Variants in FRMPD4 observed in about 807,000 individuals in gnomAD.
FRMPD4 encodes the protein FERM and PDZ domain-containing protein 4.
FRMPD4 carries 22 observed loss-of-function variants against 94.1 expected under a neutral mutation model. That is an observed-to-expected ratio of 0.23 (90% CI 0.17 to 0.33). FRMPD4 has a LOEUF of 0.33. Among genes scored for constraint, FRMPD4 ranks in the 10% least tolerant of loss-of-function variants. The probability of loss-of-function intolerance (pLI) is 1.00; values close to 1 mark genes in which losing one functional copy is unlikely to be tolerated. For missense variants in FRMPD4, 1,111 were observed against 1,339.9 expected, an observed-to-expected ratio of 0.83 and a Z score of 2.67; for synonymous variants, 631 against 548.6, an observed-to-expected ratio of 1.15 and a Z score of -2.10.
intron 1 of FRMPD4, among the ~76,000 whole-genome samples, chrX:12,363,400 C>T (rs1771405867): frequency 8.9e-6 from 1 of 112,588 alleles, no homozygotes; most frequent in East Asian, 2.8e-4. Context: ...ACAGGCAGGG[C>T]TCACAGGGCA....
chrX:12,403,270 C>T (rs112893734), intron 1 of FRMPD4, among the ~76,000 whole-genome samples: 6,254 of 111,439 alleles, frequency 0.056, 442 homozygotes, highest in African/African-American at 0.19. Context: ...GGATCACTCC[C>T]CTGCTCCACT....
At chrX:12,105,942 A>G (rs1220703315) in intron 3 of FRMPD4, among the ~76,000 whole-genome samples, 2 of 112,286 alleles carry the variant, frequency 1.8e-5, no homozygotes, top group Admixed American at 9.4e-5. Flanking sequence ...GAGAGTGAAC[A>G]TATTTTAATT....
chrX:12,483,973 CG>C (rs1488649886), intron 1 of FRMPD4, among the ~76,000 whole-genome samples: 1 of 111,021 alleles, frequency 9.0e-6, no homozygotes, highest in African/African-American at 3.3e-5. Flanking sequence ...AGGACGTGTA[CG>C]GGCTTACGGG....
chrX:12,128,090 C>T (rs765371168), intron 3 of FRMPD4, among the ~76,000 whole-genome samples: 10 of 112,816 alleles, frequency 8.9e-5, no homozygotes, highest in Non-Finnish European at 1.1e-4. Flanking sequence ...TGCAAGCTGT[C>T]GGTGGAGCTA....
At chrX:12,169,629 G>A (rs1263753570) in intron 1 of FRMPD4, among the ~76,000 whole-genome samples, 2 of 111,745 alleles carry the variant, frequency 1.8e-5, no homozygotes, top group Non-Finnish European at 3.8e-5. Flanking sequence ...GAGATTGTAT[G>A]TTCTATTAGG....
At chrX:11,919,012 T>C (rs1016168857) in intron 3 of FRMPD4, among the ~76,000 whole-genome samples, 69 of 112,678 alleles carry the variant, frequency 6.1e-4, no homozygotes, top group African/African-American at 2.1e-3. Flanking sequence ...TTTTTTCTCT[T>C]TCTCCTGTTC....
chrX:12,583,361 G>T, intron 2 of FRMPD4: 1 of 761,503 alleles, frequency 1.3e-6, no homozygotes, highest in Non-Finnish European at 2.0e-6. Flanking sequence ...GAGAGCCCCA[G>T]GCCGGCTGAG....
At chrX:12,595,098 G>T (rs1163141121) in intron 2 of FRMPD4, among the ~76,000 whole-genome samples, 2 of 111,842 alleles carry the variant, frequency 1.8e-5, no homozygotes, top group Admixed American at 9.4e-5. Context: ...TTTTCTCCAG[G>T]GCCTAGCACA....
At chrX:12,248,897 G>A (rs1298846313) in intron 1 of FRMPD4, among the ~76,000 whole-genome samples, 3 of 112,076 alleles carry the variant, frequency 2.7e-5, no homozygotes, top group African/African-American at 9.7e-5. Flanking sequence ...AAATTAGCTG[G>A]GTGTGGTGGC....
intron 3 of FRMPD4, among the ~76,000 whole-genome samples, chrX:12,123,080 A>G (rs1447250249): frequency 9.2e-6 from 1 of 108,941 alleles, no homozygotes; most frequent in Non-Finnish European, 1.9e-5. Flanking sequence ...AATGCACCCA[A>G]AGAGTATAAT....
intron 2 of FRMPD4, among the ~76,000 whole-genome samples, chrX:12,535,264 G>A (rs376768994): frequency 6.3e-5 from 7 of 111,514 alleles, no homozygotes; most frequent in African/African-American, 2.0e-4. Context: ...AGCCACATGG[G>A]ATTGTAAGCC....
intron 2 of FRMPD4, among the ~76,000 whole-genome samples, chrX:12,555,165 CA>C (rs200081447): frequency 4.0e-4 from 43 of 108,014 alleles, no homozygotes; most frequent in South Asian, 2.4e-3. Flanking sequence ...TAGTTTGGGA[CA>C]AAAAAAAAGA....
chrX:12,300,445 G>A (rs982967249), intron 1 of FRMPD4, among the ~76,000 whole-genome samples: 1 of 111,731 alleles, frequency 9.0e-6, no homozygotes, highest in Non-Finnish European at 1.9e-5. Flanking sequence ...GGAGAATGGG[G>A]TCTGAAAATA....
intron 2 of FRMPD4, among the ~76,000 whole-genome samples, chrX:12,601,490 T>C (rs2059084183): frequency 8.9e-6 from 1 of 111,782 alleles, no homozygotes; most frequent in African/African-American, 3.3e-5. Context: ...TCTTCTGTCC[T>C]GATATTGCTC....
intron 3 of FRMPD4, among the ~76,000 whole-genome samples, chrX:11,960,968 G>T (rs2054280484): frequency 8.9e-6 from 1 of 112,039 alleles, no homozygotes; most frequent in Non-Finnish European, 1.9e-5. Flanking sequence ...AAACAAGAAG[G>T]ACCTAGGGGA....
At chrX:12,166,095 G>C (rs768839405) in intron 1 of FRMPD4, among the ~76,000 whole-genome samples, 39 of 111,975 alleles carry the variant, frequency 3.5e-4, no homozygotes, top group African/African-American at 1.1e-3. Flanking sequence ...ATGTTGAATA[G>C]GAGTGGTGAG....
At chrX:12,476,820 T>C (rs1569292228) in intron 1 of FRMPD4, among the ~76,000 whole-genome samples, 1 of 111,559 alleles carries the variant, frequency 9.0e-6, no homozygotes, top group Non-Finnish European at 1.9e-5. Context: ...AAACAACAGG[T>C]GCTGGAGAGG....
chrX:12,207,509 A>T (rs1212926912), intron 1 of FRMPD4, among the ~76,000 whole-genome samples: 1 of 110,344 alleles, frequency 9.1e-6, no homozygotes, highest in Non-Finnish European at 1.9e-5. Context: ...AACTGTAAAA[A>T]TCGTTGTTTG....
intron 2 of FRMPD4, among the ~76,000 whole-genome samples, chrX:12,599,768 G>A (rs1451136695): frequency 9.0e-6 from 1 of 111,353 alleles, no homozygotes; most frequent in African/African-American, 3.3e-5. Flanking sequence ...GGATCATACA[G>A]AACAGAAATC....
Sources: gnomAD v4.1 joint callset for allele counts (sites outside exome capture counted in the v4.1 genomes callset) on GRCh38, gnomAD v4.1.1 for gene constraint, MANE v1.5 for transcripts, NCBI Gene and HGNC (gene_info 2026-07-23, HGNC 2026-07-21) for gene names.